Variants in GRIK1 observed in about 807,000 individuals in gnomAD.
GRIK1 encodes the protein glutamate ionotropic receptor kainate type subunit 1, also known as glutamate receptor ionotropic, kainate 1.
GRIK1 carries 69 observed loss-of-function variants against 105.7 expected under a neutral mutation model. The ratio of observed to expected loss-of-function variants is 0.65; its 90% CI spans 0.54 to 0.80. The LOEUF (loss-of-function observed/expected upper bound fraction) is 0.80, where lower values mean the gene tolerates loss of function less well. Ranked by LOEUF, GRIK1 falls within the 30% of genes least tolerant of loss-of-function variation. GRIK1 has a pLI of 0.00. For synonymous variants in GRIK1, 438 were observed against 431.3 expected (o/e 1.02, Z -0.19); for missense variants, 1,109 against 1,167.3 (o/e 0.95, Z 0.73).
intron 1 of GRIK1, among the ~76,000 whole-genome samples, chr21:29,893,332 G>A (rs1005364901): frequency 6.6e-6 from 1 of 152,130 alleles, no homozygotes; most frequent in Non-Finnish European, 1.5e-5. Flanking sequence ...TAAGTATGGT[G>A]CAATAGTTAT....
At chr21:29,560,558 T>TTCTTTCTTTCTTTCTTTCTC in intron 15 of GRIK1, among the ~76,000 whole-genome samples, 1 of 121,812 alleles carries the variant, frequency 8.2e-6, no homozygotes, top group South Asian at 2.5e-4. Flanking sequence ...CTTTCTTTCT[T>TTCTTTCTTTCTTTCTTTCTC]TCTTTCTTTC....
Position 29,874,309 on chromosome 21 carries a change from A to C in GRIK1, c.118+65074T>G, listed in dbSNP as rs148146830. Among the ~76,000 whole-genome samples the C allele has an allele frequency of 1.2e-3, 186 of 152,214 alleles. 2 individuals are homozygous for C. Among genetic ancestry groups the C allele is most frequent in the African/African-American group, 4.4e-3 (181 of 41,534 alleles). ...CAGCAATGATGAAAGAAATCTCTCCATTGTTTCTGTTATTAGAAATGGCTT... is the reference window on the plus strand; with the variant it reads ...CAGCAATGATGAAAGAAATCTCTCCCTTGTTTCTGTTATTAGAAATGGCTT... On this transcript the variant is annotated intron_variant, in intron 1 of 17. Coordinates refer to ENST00000327783, the MANE Select transcript of GRIK1 (RefSeq NM_001330994.2).
chr21:29,607,103 G>A (rs2061638256), intron 7 of GRIK1, among the ~76,000 whole-genome samples: 2 of 152,174 alleles, frequency 1.3e-5, no homozygotes, highest in Non-Finnish European at 2.9e-5. Context: ...GCATGTGGCT[G>A]TTAAGTTTTC....
intron 1 of GRIK1, among the ~76,000 whole-genome samples, chr21:29,777,362 C>T (rs1165010161): frequency 4.6e-5 from 7 of 152,248 alleles, no homozygotes; most frequent in Middle Eastern, 6.8e-3. Flanking sequence ...AGGTCCCAGT[C>T]GTTGCTTAGG....
chr21:29,889,414 C>T (rs2146214252), intron 1 of GRIK1, among the ~76,000 whole-genome samples: 1 of 152,184 alleles, frequency 6.6e-6, no homozygotes, highest in South Asian at 2.1e-4. Flanking sequence ...TTCACTCCAT[C>T]CAGGATAAAT....
chr21:29,867,854 G>A (rs28444891), intron 1 of GRIK1, among the ~76,000 whole-genome samples: 5,608 of 94,560 alleles, frequency 0.059, 204 homozygotes, highest in African/African-American at 0.14. Context: ...GAAGGAAAGA[G>A]AGAAAGAGAG....
chr21:29,713,756 T>C lies in GRIK1; in HGVS notation c.119-19693A>G, dbSNP rs543899924. On this transcript the variant is annotated intron_variant, in intron 1 of 17. Coordinates refer to ENST00000327783, the MANE Select transcript of GRIK1 (RefSeq NM_001330994.2). Reference sequence around the variant, plus strand: ...ATTCTAGGCAAAACACTAGAAAAGATCTTTGAAATCTGGAACACATTGACT... The same window carrying C: ...ATTCTAGGCAAAACACTAGAAAAGACCTTTGAAATCTGGAACACATTGACT... Among the ~76,000 whole-genome samples, 3 of 152,288 alleles carry C rather than the reference T, an allele frequency of 2.0e-5. No homozygotes were observed. In the South Asian group the frequency reaches 6.2e-4, roughly 32 times the overall value.
At chr21:29,872,267 C>A (rs2069044206) in intron 1 of GRIK1, among the ~76,000 whole-genome samples, 2 of 148,322 alleles carry the variant, frequency 1.3e-5, no homozygotes, top group South Asian at 4.3e-4. Context: ...GATCTTGGCT[C>A]ACTGCAAGCT....
At chr21:29,879,455 A>G (rs2069314615) in intron 1 of GRIK1, among the ~76,000 whole-genome samples, 1 of 152,160 alleles carries the variant, frequency 6.6e-6, no homozygotes, top group South Asian at 2.1e-4. Flanking sequence ...CACGAGATAC[A>G]TGGAAGAAAC....
Position 29,555,276 on chromosome 21 carries a change from T to C in GRIK1, c.2383A>G (p.Ile795Val), listed in dbSNP as rs376551523. ...IGSPYRDKIT[I>V]AILQLQEEGK... ...TCTTCTTGGAGTTGAAGAATAGCAA[T>C]AGTAATTTTATCCCGGTAAGGAGAA... Residue 795 changes from isoleucine (I) to valine (V), a missense_variant, in exon 16 of 18, where the codon ATT becomes GTT. Transcript: ENST00000327783. 1.1e-5 allele frequency: 18 copies of C among 1,613,344 alleles called. No homozygotes were observed. Among genetic ancestry groups the C allele is most frequent in the Non-Finnish European group, 1.5e-5 (18 of 1,179,546 alleles).
rs1001199202 is a variant in GRIK1, at chr21:29,814,080, A to C, written c.119-120017T>G. On this transcript the variant is annotated intron_variant, in intron 1 of 17. Coordinates refer to ENST00000327783, the MANE Select transcript of GRIK1 (RefSeq NM_001330994.2). Reference sequence around the variant, plus strand: ...CAGGTGCGTGCCACCACACCTGGCTAATATATATATATAAAATAATAATAA... The same window carrying C: ...CAGGTGCGTGCCACCACACCTGGCTCATATATATATATAAAATAATAATAA... Among the ~76,000 whole-genome samples the C allele has an allele frequency of 1.0e-4, 15 of 146,934 alleles. No individual in the cohort carries two copies. In the Admixed American group the frequency reaches 1.0e-3, roughly 10 times the overall value.
intron 1 of GRIK1, among the ~76,000 whole-genome samples, chr21:29,866,943 T>A (rs1482488882): frequency 6.6e-6 from 1 of 152,234 alleles, no homozygotes; most frequent in Non-Finnish European, 1.5e-5. Context: ...CTCTTTCAAA[T>A]GTCTAATTCA....
At chr21:29,932,915 A>G (rs2071619778) in intron 1 of GRIK1, among the ~76,000 whole-genome samples, 1 of 151,554 alleles carries the variant, frequency 6.6e-6, no homozygotes, top group South Asian at 2.1e-4. Flanking sequence ...AAGCAAGTCT[A>G]GTGTAAAAAA....
chr21:29,918,406 T>G (rs775193942), intron 1 of GRIK1, among the ~76,000 whole-genome samples: 2 of 152,074 alleles, frequency 1.3e-5, no homozygotes, highest in Non-Finnish European at 2.9e-5. Flanking sequence ...AAATTGATGC[T>G]AAGAGAGGCT....
At chr21:29,560,437 C>CTTTCTTTCTTTCTTTCTTTCTTTCTTTCT (rs201038472) in intron 15 of GRIK1, among the ~76,000 whole-genome samples, 1 of 112,282 alleles carries the variant, frequency 8.9e-6, no homozygotes, top group Non-Finnish European at 1.8e-5. Context: ...TTCTTTCTTT[C>CTTTCTTTCTTTCTTTCTTTCTTTCTTTCT]TTTTTCTTTC....
At chr21:29,812,808 TAGATC>T (rs1228363793) in intron 1 of GRIK1, among the ~76,000 whole-genome samples, 2 of 152,200 alleles carry the variant, frequency 1.3e-5, no homozygotes, top group Non-Finnish European at 2.9e-5. Context: ...AAGGTCTGCC[TAGATC>T]AGTGTGCTAA....
rs564040926 is a variant in GRIK1 at position 29,794,937 on chromosome 21, T to C, written c.119-100874A>G. ...CATTTTTGAGTGCTGGTAAAACAGA[T>C]GTAAATCAGAGATGTCCTGGGCAAA... On this transcript the variant is annotated intron_variant, in intron 1 of 17. Transcript: ENST00000327783. 5.3e-5 allele frequency among the ~76,000 whole-genome samples: 8 copies of C among 151,702 alleles called. No individual in the cohort carries two copies. The East Asian group carries it at 1.6e-3, about 29-fold the overall frequency.
chr21:29,569,595 A>G (rs1308014555), intron 14 of GRIK1, among the ~76,000 whole-genome samples: 1 of 152,186 alleles, frequency 6.6e-6, no homozygotes, highest in Non-Finnish European at 1.5e-5. Flanking sequence ...TCTCTGATCC[A>G]TGGGCTAAAA....
intron 1 of GRIK1, among the ~76,000 whole-genome samples, chr21:29,859,304 A>T (rs1254115387): frequency 6.6e-6 from 1 of 152,058 alleles, no homozygotes; most frequent in African/African-American, 2.4e-5. Context: ...TGGCACATGT[A>T]TATATATGTA....
Sources: allele counts gnomAD v4.1 joint callset (sites outside exome capture counted in the v4.1 genomes callset), GRCh38; gene constraint gnomAD v4.1.1; transcripts MANE v1.5; gene names NCBI Gene and HGNC (gene_info 2026-07-23, HGNC 2026-07-21).